The following LAMA2 variants were observed in gnomAD, a reference collection of about 807,000 sequenced individuals.
The protein encoded by LAMA2 is laminin subunit alpha 2.
LAMA2 carries 269 observed loss-of-function variants against 364.8 expected under a neutral mutation model. The ratio of observed to expected loss-of-function variants is 0.74; its 90% CI spans 0.67 to 0.82. The LOEUF is 0.82. Among genes scored for constraint, LAMA2 ranks in the 40% least tolerant of loss-of-function variants. LAMA2 has a pLI of 0.00. For synonymous variants in LAMA2, 1,379 were observed against 1,370.6 expected, an observed-to-expected ratio of 1.01 and a Z score of -0.14; for missense variants, 3,807 against 3,873.2, an observed-to-expected ratio of 0.98 and a Z score of 0.45.
At chr6:129,214,290 A>G (rs1195227926) in intron 12 of LAMA2, among the ~76,000 whole-genome samples, 1 of 152,158 alleles carries the variant, frequency 6.6e-6, no homozygotes, top group African/African-American at 2.4e-5. Context: ...GACCAAACAC[A>G]AGAGGGAGCC....
At chr6:128,894,700 C>A (rs763889854) in intron 1 of LAMA2, among the ~76,000 whole-genome samples, 1 of 152,184 alleles carries the variant, frequency 6.6e-6, no homozygotes, top group Non-Finnish European at 1.5e-5. Flanking sequence ...ACTACTTCAT[C>A]AAGTACATTC....
chr6:129,217,428 A>C (rs1232490628), intron 12 of LAMA2, among the ~76,000 whole-genome samples: 1 of 152,138 alleles, frequency 6.6e-6, no homozygotes, highest in Non-Finnish European at 1.5e-5. Flanking sequence ...ACTCTCCTCC[A>C]GGTTAGATTG....
chr6:128,904,464 T>C (rs1469447703), intron 1 of LAMA2, among the ~76,000 whole-genome samples: 4 of 149,220 alleles, frequency 2.7e-5, no homozygotes, highest in Non-Finnish European at 6.0e-5. Flanking sequence ...TTTTTTTTTT[T>C]TTTTTTTTAA....
At chr6:129,220,879 G>A (rs1299101001) in intron 12 of LAMA2, among the ~76,000 whole-genome samples, 1 of 152,076 alleles carries the variant, frequency 6.6e-6, no homozygotes, top group Non-Finnish European at 1.5e-5. Context: ...AACAAACTGA[G>A]GGCAAGGCAC....
At chr6:129,192,592 A>G (rs1781585351) in intron 11 of LAMA2, 88 bp from the exon 12 acceptor site, 1 of 1,333,466 alleles carries the variant, frequency 7.5e-7, no homozygotes, top group African/African-American at 1.5e-5. Context: ...TTTAATTTCC[A>G]AAAGTGGACA....
At chr6:129,331,942 C>T (rs1775680688) in intron 29 of LAMA2, among the ~76,000 whole-genome samples, 1 of 152,138 alleles carries the variant, frequency 6.6e-6, no homozygotes, top group African/African-American at 2.4e-5. Context: ...AATTTGCTTT[C>T]CAGCCCATGG....
chr6:129,374,556 A>G (rs1183750948), intron 34 of LAMA2, among the ~76,000 whole-genome samples: 1 of 151,950 alleles, frequency 6.6e-6, no homozygotes, highest in Non-Finnish European at 1.5e-5. Context: ...CCTCTGGAAA[A>G]TGCCTTAATT....
intron 1 of LAMA2, among the ~76,000 whole-genome samples, chr6:128,978,890 G>A (rs1014341526): frequency 3.9e-5 from 6 of 152,286 alleles, no homozygotes; most frequent in Non-Finnish European, 8.8e-5. Flanking sequence ...CAGGAACATA[G>A]TTCCTCTCCT....
At chr6:128,909,779 T>G (rs1324924932) in intron 1 of LAMA2, among the ~76,000 whole-genome samples, 1 of 152,202 alleles carries the variant, frequency 6.6e-6, no homozygotes, top group Non-Finnish European at 1.5e-5. Flanking sequence ...TTGTACTGGT[T>G]GTTCCTTTCC....
At chr6:129,033,600 T>C (rs1356024878) in intron 1 of LAMA2, among the ~76,000 whole-genome samples, 1 of 152,202 alleles carries the variant, frequency 6.6e-6, no homozygotes, top group Non-Finnish European at 1.5e-5. Context: ...GTACCTTTTT[T>C]TGGTTTAAGG....
chr6:129,265,442 A>G (rs1157683840), intron 15 of LAMA2, among the ~76,000 whole-genome samples: 5 of 152,176 alleles, frequency 3.3e-5, no homozygotes, highest in Non-Finnish European at 2.9e-5. Flanking sequence ...ACAGTAGATT[A>G]GTTCTCTCCC....
chr6:129,013,911 G>A (rs17780950), intron 1 of LAMA2, among the ~76,000 whole-genome samples: 17,732 of 152,136 alleles, frequency 0.12, 1,128 homozygotes, highest in Middle Eastern at 0.21. Flanking sequence ...ATGAAAATGG[G>A]AAAAAGCAGA....
chr6:129,120,477 A>C (rs1383035974), intron 4 of LAMA2, among the ~76,000 whole-genome samples: 1 of 152,196 alleles, frequency 6.6e-6, no homozygotes, highest in Non-Finnish European at 1.5e-5. Flanking sequence ...ACTAAGTAAA[A>C]ATGTATAATT....
chr6:129,300,698 T>C, intron 21 of LAMA2, 38 bp from the exon 22 acceptor site: 1 of 1,610,788 alleles, frequency 6.2e-7, no homozygotes, highest in South Asian at 1.1e-5. Context: ...TTTTTACTAT[T>C]TTTCCCCTTC....
chr6:128,894,327 T>G (rs1776638793), intron 1 of LAMA2, among the ~76,000 whole-genome samples: 1 of 152,206 alleles, frequency 6.6e-6, no homozygotes, highest in African/African-American at 2.4e-5. Flanking sequence ...TTTTTATGAC[T>G]ATTGATCTCA....
chr6:129,206,304 A>G (rs1782672536), intron 12 of LAMA2, among the ~76,000 whole-genome samples: 1 of 152,214 alleles, frequency 6.6e-6, no homozygotes, highest in South Asian at 2.1e-4. Context: ...TAGCATTTGC[A>G]TCAAGGTGAG....
At chr6:129,155,756 A>G (rs946331516) in intron 8 of LAMA2, among the ~76,000 whole-genome samples, 2 of 152,110 alleles carry the variant, frequency 1.3e-5, no homozygotes, top group East Asian at 1.9e-4. Flanking sequence ...TGCTAATACC[A>G]TACTATCTTC....
chr6:129,083,235 C>G (rs1292413653), intron 3 of LAMA2, among the ~76,000 whole-genome samples: 2 of 152,050 alleles, frequency 1.3e-5, no homozygotes, highest in Non-Finnish European at 2.9e-5. Context: ...GTATTTGAAA[C>G]TTAGTTATTT....
intron 22 of LAMA2, among the ~76,000 whole-genome samples, chr6:129,307,606 A>G (rs758781483): frequency 4.6e-5 from 7 of 152,118 alleles, no homozygotes; most frequent in Non-Finnish European, 7.3e-5. Context: ...CAGAAATCAC[A>G]GTCCTGTGCT....
Sources: allele counts gnomAD v4.1 joint callset (sites outside exome capture counted in the v4.1 genomes callset), GRCh38; gene constraint gnomAD v4.1.1; transcripts MANE v1.5; gene names NCBI Gene and HGNC (gene_info 2026-07-23, HGNC 2026-07-21).